The following WWOX variants were observed in gnomAD, a reference collection of about 807,000 sequenced individuals.
WWOX encodes WW domain-containing oxidoreductase.
Under a neutral mutation model 46.2 loss-of-function variants are expected in WWOX, and 69 were observed. That is an observed-to-expected ratio of 1.49 (90% CI 1.23 to 1.82). The LOEUF is 1.82. Among genes scored for constraint, WWOX ranks in the 40% most tolerant of loss-of-function variants. WWOX has a pLI of 0.00. For missense variants in WWOX, 919 were observed against 542.6 expected (o/e 1.69, Z -6.89); for synonymous variants, 359 against 202.6 (o/e 1.77, Z -6.56).
chr16:78,636,018 A>C (rs1319126256), intron 8 of WWOX, among the ~76,000 whole-genome samples: 1 of 152,200 alleles, frequency 6.6e-6, no homozygotes, highest in African/African-American at 2.4e-5. Flanking sequence ...ACACGAAGGT[A>C]GATGGACGGT....
intron 8 of WWOX, among the ~76,000 whole-genome samples, chr16:78,724,412 G>A (rs1272017912): frequency 6.6e-6 from 1 of 152,110 alleles, no homozygotes; most frequent in Non-Finnish European, 1.5e-5. Context: ...CCTTGTTCCA[G>A]AAGAAGTTAA....
At chr16:78,417,316 C>A (rs986875661) in intron 6 of WWOX, among the ~76,000 whole-genome samples, 4 of 152,072 alleles carry the variant, frequency 2.6e-5, no homozygotes, top group African/African-American at 9.6e-5. Context: ...TGGTCTTGAA[C>A]CCCTGAGTCC....
At chr16:79,045,597 C>A (rs1417610331) in intron 8 of WWOX, among the ~76,000 whole-genome samples, 1 of 151,982 alleles carries the variant, frequency 6.6e-6, no homozygotes, top group Admixed American at 6.6e-5. Flanking sequence ...CAATCTGATG[C>A]ACATCAGCTA....
intron 8 of WWOX, among the ~76,000 whole-genome samples, chr16:78,511,699 A>G (rs544852756): frequency 6.6e-6 from 1 of 152,324 alleles, no homozygotes; most frequent in Non-Finnish European, 1.5e-5. Context: ...GGTGCTGCTA[A>G]TAAAATGCCA....
chr16:78,197,840 C>G (rs749056270), intron 5 of WWOX, among the ~76,000 whole-genome samples: 1 of 152,166 alleles, frequency 6.6e-6, no homozygotes, highest in Non-Finnish European at 1.5e-5. Context: ...GATACCTTGG[C>G]AGAAGCAGAA....
chr16:78,961,019 T>C (rs1339565922), intron 8 of WWOX, among the ~76,000 whole-genome samples: 1 of 152,154 alleles, frequency 6.6e-6, no homozygotes, highest in Non-Finnish European at 1.5e-5. Context: ...ATGAGATGTC[T>C]GTAAAAGTAA....
intron 8 of WWOX, among the ~76,000 whole-genome samples, chr16:78,767,262 A>C (rs1275673326): frequency 6.6e-6 from 1 of 152,016 alleles, no homozygotes; most frequent in Non-Finnish European, 1.5e-5. Context: ...CTAGAGGTGC[A>C]TGCCACCATG....
chr16:78,254,502 GTTTTTTT>G (rs59706959), intron 5 of WWOX, among the ~76,000 whole-genome samples: 3 of 91,648 alleles, frequency 3.3e-5, no homozygotes, highest in Admixed American at 1.3e-4. Flanking sequence ...TTTCTTTCTT[GTTTTTTT>G]TTTTTTTTTT....
rs111266230 is a variant in WWOX at position 78,515,017 on chromosome 16, C to G, written c.1056+82265C>G. On this transcript the variant is annotated intron_variant, in intron 8 of 8. Transcript: ENST00000566780. The stretch of plus-strand genomic sequence containing the variant: ...GGTGGATCACCTGAAGTCAGGACAT[C>G]AAGACCAGTCTGGCCAGTGTGGCAA... Among the ~76,000 whole-genome samples the G allele has an allele frequency of 3.6e-3, 551 of 152,160 alleles. 3 individuals carry two copies. The highest frequency in any genetic ancestry group is 0.012 in the African/African-American group (516 of 41,518).
chr16:78,638,224 C>T (rs1597380414), intron 8 of WWOX, among the ~76,000 whole-genome samples: 2 of 152,170 alleles, frequency 1.3e-5, no homozygotes, highest in East Asian at 3.9e-4. Flanking sequence ...TGCAGACAAG[C>T]CAACGAAGGC....
chr16:78,533,952 G>A (rs528821636), intron 8 of WWOX, among the ~76,000 whole-genome samples: 1 of 152,308 alleles, frequency 6.6e-6, no homozygotes, highest in South Asian at 2.1e-4. Flanking sequence ...ATACAGAGTA[G>A]TAACCCTACA....
intron 5 of WWOX, among the ~76,000 whole-genome samples, chr16:78,360,475 C>T (rs1222475944): frequency 6.6e-6 from 1 of 151,478 alleles, no homozygotes; most frequent in Non-Finnish European, 1.5e-5. Flanking sequence ...ATCCCAGATA[C>T]TTGGGAGGCT....
intron 4 of WWOX, among the ~76,000 whole-genome samples, chr16:78,120,905 C>T (rs1017672096): frequency 2.0e-5 from 3 of 152,148 alleles, no homozygotes; most frequent in Non-Finnish European, 4.4e-5. Flanking sequence ...TTCCTTTACA[C>T]CTTTGCTTCT....
chr16:78,861,263 TC>T (rs2043879421), intron 8 of WWOX, among the ~76,000 whole-genome samples: 1 of 152,220 alleles, frequency 6.6e-6, no homozygotes, highest in Non-Finnish European at 1.5e-5. Context: ...CTGCCTGACT[TC>T]AAGCTGGGAC....
At chr16:78,744,186 A>T (rs1251053330) in intron 8 of WWOX, among the ~76,000 whole-genome samples, 1 of 152,110 alleles carries the variant, frequency 6.6e-6, no homozygotes. Flanking sequence ...GTGGTATTTG[A>T]ACTAAGTTTT....
intron 8 of WWOX, among the ~76,000 whole-genome samples, chr16:79,067,369 C>G (rs1003795813): frequency 2.6e-5 from 4 of 152,200 alleles, no homozygotes; most frequent in African/African-American, 9.7e-5. Context: ...CTCGCTCTCT[C>G]TCTTTCTCTC....
chr16:78,872,988 G>C (rs1019285781), intron 8 of WWOX: 10 of 152,222 alleles, frequency 6.6e-5, no homozygotes, highest in African/African-American at 1.9e-4. Flanking sequence ...GTAAAGATGA[G>C]GTCTTGCTAT....
chr16:78,838,337 C>A (rs1222112057), intron 8 of WWOX, among the ~76,000 whole-genome samples: 1 of 152,158 alleles, frequency 6.6e-6, no homozygotes, highest in East Asian at 1.9e-4. Context: ...GAGCTGACTT[C>A]AGAGGAGGCT....
chr16:78,857,991 A>G (rs1182604390), intron 8 of WWOX, among the ~76,000 whole-genome samples: 22 of 152,164 alleles, frequency 1.4e-4, no homozygotes. Context: ...GTGCATACAT[A>G]TTTATTTAGT....
Sources: gnomAD v4.1 joint callset for allele counts (sites outside exome capture counted in the v4.1 genomes callset) on GRCh38, gnomAD v4.1.1 for gene constraint, MANE v1.5 for transcripts, NCBI Gene and HGNC (gene_info 2026-07-23, HGNC 2026-07-21) for gene names.